DHRSX: variants seen among roughly 807,000 people sequenced by gnomAD.
The protein encoded by DHRSX is polyprenol dehydrogenase.
DHRSX carries 31 observed loss-of-function variants against 34.0 expected under a neutral mutation model. The observed-to-expected ratio is 0.91, with a 90% CI of 0.69 to 1.23. DHRSX has a LOEUF of 1.23. Ranked by LOEUF, DHRSX falls within the 50% of genes most tolerant of loss-of-function variation. The pLI is 0.00. For missense variants in DHRSX, 414 were observed against 428.1 expected (o/e 0.97, Z 0.29); for synonymous variants, 201 against 183.8 (o/e 1.09, Z -0.76).
intron 1 of DHRSX, among the ~76,000 whole-genome samples, chrX:2,442,162 A>G (rs1295206667): frequency 1.3e-5 from 2 of 152,204 alleles, no homozygotes; most frequent in African/African-American, 4.8e-5. Flanking sequence ...TAGAGAAAAG[A>G]AAATGCTATT....
intron 1 of DHRSX, among the ~76,000 whole-genome samples, chrX:2,430,854 C>CA (rs971905705): frequency 3.7e-4 from 55 of 149,528 alleles, no homozygotes; most frequent in African/African-American, 1.2e-3. Context: ...TGCTACAAAA[C>CA]AAAAAAAAAG....
intron 3 of DHRSX, among the ~76,000 whole-genome samples, chrX:2,385,514 A>G (rs2043261371): frequency 6.6e-6 from 1 of 151,972 alleles, no homozygotes; most frequent in Non-Finnish European, 1.5e-5. Context: ...CCAATCAATC[A>G]GCCTTAGGAG....
chrX:2,403,100 C>G (rs1164319914), intron 3 of DHRSX, among the ~76,000 whole-genome samples: 1 of 152,068 alleles, frequency 6.6e-6, no homozygotes, highest in Non-Finnish European at 1.5e-5. Context: ...CCAGGCTGGT[C>G]TCGAACTCCT....
At chrX:2,248,911 C>T (rs1423833539) in intron 5 of DHRSX, among the ~76,000 whole-genome samples, 12 of 152,202 alleles carry the variant, frequency 7.9e-5, no homozygotes, top group Non-Finnish European at 1.8e-4. Flanking sequence ...GTTTCCCCTG[C>T]ATCTTTGGGT....
chrX:2,259,015 C>T (rs2041318107), intron 5 of DHRSX, among the ~76,000 whole-genome samples: 1 of 152,184 alleles, frequency 6.6e-6, no homozygotes, highest in South Asian at 2.1e-4. Context: ...TGGCTCACGC[C>T]TGTAATCCCA....
intron 1 of DHRSX, chrX:2,488,793 C>T (rs759636541): frequency 4.3e-6 from 7 of 1,613,902 alleles, no homozygotes; most frequent in East Asian, 2.2e-5. Context: ...AACACCTGCT[C>T]GTCCACGTGC....
At chrX:2,330,739 A>AAGAGGAGGGAAG (rs2042460872) in intron 3 of DHRSX, among the ~76,000 whole-genome samples, 1 of 150,882 alleles carries the variant, frequency 6.6e-6, no homozygotes, top group African/African-American at 2.4e-5. Flanking sequence ...GTAGGAGGGG[A>AAGAGGAGGGAAG]AGAGGAGGGA....
chrX:2,276,175 C>T (rs981602155), intron 4 of DHRSX, among the ~76,000 whole-genome samples: 20 of 152,178 alleles, frequency 1.3e-4, no homozygotes, highest in Non-Finnish European at 2.1e-4. Context: ...TTTGGGAAAC[C>T]AGTGGTTTTG....
intron 3 of DHRSX, among the ~76,000 whole-genome samples, chrX:2,376,625 G>A (rs2043143168): frequency 7.3e-6 from 1 of 137,414 alleles, no homozygotes; most frequent in East Asian, 2.0e-4. Flanking sequence ...CATACAACTA[G>A]GTTGTCATTG....
At chrX:2,392,893 C>A (rs1239775397) in intron 3 of DHRSX, among the ~76,000 whole-genome samples, 1 of 127,666 alleles carries the variant, frequency 7.8e-6, no homozygotes, top group Non-Finnish European at 1.7e-5. Flanking sequence ...ATGTATTGTG[C>A]ATATTATATT....
chrX:2,486,271 A>G (rs367671652), intron 1 of DHRSX: 7 of 152,170 alleles, frequency 4.6e-5, no homozygotes, highest in African/African-American at 1.7e-4. Context: ...AAAGAGGAGC[A>G]CAGAACTGAC....
intron 3 of DHRSX, among the ~76,000 whole-genome samples, chrX:2,329,785 G>A (rs1187942892): frequency 3.9e-5 from 6 of 151,970 alleles, no homozygotes; most frequent in Non-Finnish European, 8.8e-5. Context: ...TTTGTTTCCT[G>A]GGTGTCCCTT....
intron 3 of DHRSX, among the ~76,000 whole-genome samples, chrX:2,318,145 G>C (rs768976490): frequency 2.1e-5 from 3 of 145,068 alleles, no homozygotes; most frequent in African/African-American, 7.6e-5. Context: ...AGCAGTTCGA[G>C]ACCAGCCTGG....
intron 1 of DHRSX, 58 bp downstream of exon 1, chrX:2,500,753 CCCCCGA>C (rs2045407219): frequency 1.2e-6 from 1 of 832,228 alleles, no homozygotes; most frequent in Admixed American, 5.7e-5. Flanking sequence ...CGCGCCCCCG[CCCCCGA>C]GCCAGCCCGC....
At chrX:2,301,823 A>C (rs2042014184) in intron 3 of DHRSX, among the ~76,000 whole-genome samples, 1 of 152,044 alleles carries the variant, frequency 6.6e-6, no homozygotes, top group Admixed American at 6.6e-5. Context: ...GTTTTAGTAG[A>C]GACAGGGTTT....
intron 1 of DHRSX, among the ~76,000 whole-genome samples, chrX:2,468,020 G>C (rs955796757): frequency 6.6e-6 from 1 of 151,812 alleles, no homozygotes; most frequent in Admixed American, 6.6e-5. Flanking sequence ...TGCAGCCAGG[G>C]ATGGAAGCCC....
chrX:2,377,336 G>A (rs2043153225), intron 3 of DHRSX, among the ~76,000 whole-genome samples: 1 of 151,724 alleles, frequency 6.6e-6, no homozygotes, highest in Admixed American at 6.6e-5. Flanking sequence ...CCTGCAACTA[G>A]ATGGTCCCAT....
intron 3 of DHRSX, among the ~76,000 whole-genome samples, chrX:2,297,334 G>C (rs1421258971): frequency 2.0e-5 from 3 of 152,130 alleles, no homozygotes; most frequent in Admixed American, 2.0e-4. Flanking sequence ...TATTGCCCAA[G>C]CTGGACTCGA....
intron 6 of DHRSX, among the ~76,000 whole-genome samples, chrX:2,241,653 C>T (rs1285268622): frequency 6.6e-6 from 1 of 152,056 alleles, no homozygotes; most frequent in African/African-American, 2.4e-5. Context: ...TCACACCTAT[C>T]ATCCCAGCAC....
Sources: gnomAD v4.1 joint callset for allele counts (sites outside exome capture counted in the v4.1 genomes callset) on GRCh38, gnomAD v4.1.1 for gene constraint, MANE v1.5 for transcripts, NCBI Gene and HGNC (gene_info 2026-07-23, HGNC 2026-07-21) for gene names.